The following ANGPTL1 variants were observed in gnomAD, a reference collection of about 807,000 sequenced individuals.
ANGPTL1 encodes the protein angiopoietin like 1.
ANGPTL1 carries 36 observed loss-of-function variants against 46.7 expected under a neutral mutation model. That is an observed-to-expected ratio of 0.77 (90% CI 0.59 to 1.02). The LOEUF (loss-of-function observed/expected upper bound fraction) is 1.02. Ranked by LOEUF, ANGPTL1 falls within the 50% of genes least tolerant of loss-of-function variation. The pLI, the probability that ANGPTL1 is intolerant of heterozygous loss-of-function variation, is 0.00. For missense variants in ANGPTL1, 571 were observed against 594.7 expected, an observed-to-expected ratio of 0.96 and a Z score of 0.41; for synonymous variants, 221 against 204.3, an observed-to-expected ratio of 1.08 and a Z score of -0.69.
At chr1:178,852,319 A>G (rs945519751) in intron 5 of ANGPTL1, among the ~76,000 whole-genome samples, 1 of 152,132 alleles carries the variant, frequency 6.6e-6, no homozygotes, top group Non-Finnish European at 1.5e-5. Context: ...GTAAGCTCCA[A>G]AGGGCGGGAA....
At chr1:178,864,617 A>T (rs1009395332) in intron 3 of ANGPTL1, among the ~76,000 whole-genome samples, 1 of 152,176 alleles carries the variant, frequency 6.6e-6, no homozygotes, top group African/African-American at 2.4e-5. Context: ...CGACCTAGCT[A>T]GAAGCTGATA....
intron 3 of ANGPTL1, among the ~76,000 whole-genome samples, chr1:178,863,206 AAAAAGGG>A (rs1658153315): frequency 3.3e-5 from 5 of 152,192 alleles, no homozygotes; most frequent in Admixed American, 2.6e-4. Flanking sequence ...ACAAGAGACC[AAAAAGGG>A]GACATGAGTA....
intron 2 of ANGPTL1, among the ~76,000 whole-genome samples, chr1:178,866,046 T>C (rs185677985): frequency 6.6e-4 from 100 of 152,312 alleles, no homozygotes; most frequent in Admixed American, 1.2e-3. Context: ...TGTAATCCTT[T>C]TTGTTCCCCA....
chr1:178,853,738 A>G lies in ANGPTL1; in HGVS notation c.873T>C (p.Ser291=). 6.2e-7 allele frequency: 1 copy of G among 1,605,636 alleles called. No homozygotes were observed. Among genetic ancestry groups the G allele is most frequent in the East Asian group, 2.3e-5 (1 of 44,232 alleles). The change falls in exon 4 of 6, where the codon AGT becomes AGC. Residue 291 remains serine (S), a synonymous_variant. Coordinates refer to ENST00000234816, the MANE Select transcript of ANGPTL1 (RefSeq NM_004673.4). ...TTTCAGGTTTAATCATATAAATCCC[A>G]CTGACCGAATGCCCAGCTTCTTTTG... ...QQAKEAGHSV[S]GIYMIKPENS...
At position 178,852,781 on chromosome 1, in the gene ANGPTL1, A is replaced by T. The variant is rs1657263182; in HGVS notation, c.1190T>A (p.Leu397Gln). ...ATTTCCCTGGTAAGTTCCCAGGCGCAGTCTATAGAATTCACTTTCAGGTTC... is the reference window on the plus strand; with the variant it reads ...ATTTCCCTGGTAAGTTCCCAGGCGCTGTCTATAGAATTCACTTTCAGGTTC... ...RLEPESEFYR[L>Q]RLGTYQGNAG... Residue 397 changes from leucine (L) to glutamine (Q), a missense_variant, in exon 5 of 6, where the codon CTG (leucine) becomes CAG (glutamine). Transcript: ENST00000234816. 1.2e-6 allele frequency: 2 copies of T among 1,613,864 alleles called. No homozygotes were observed. The highest frequency in any genetic ancestry group is 1.7e-6 in the Non-Finnish European group (2 of 1,179,902).
At chr1:178,856,215 A>ATATATATATATATATC (rs1657551235) in intron 3 of ANGPTL1, among the ~76,000 whole-genome samples, 5 of 71,176 alleles carry the variant, frequency 7.0e-5, no homozygotes, top group African/African-American at 2.1e-4. Context: ...ATATATATAT[A>ATATATATATATATATC]TATATATATA....
At chr1:178,856,354 A>G (rs1657569306) in intron 3 of ANGPTL1, among the ~76,000 whole-genome samples, 1 of 142,270 alleles carries the variant, frequency 7.0e-6, no homozygotes, top group Admixed American at 7.0e-5. Context: ...CAGCCTCCCA[A>G]GTAGCTAGGA....
chr1:178,865,517 T>C lies in ANGPTL1; in HGVS notation c.260A>G (p.Asn87Ser). 6.2e-7 allele frequency: 1 copy of C among 1,614,016 alleles called. No individual in the cohort carries two copies. The highest frequency in any genetic ancestry group is 2.2e-5 in the East Asian group (1 of 44,864). ...CTGCCTGGAGAGCACATCCTTCAGG[T>C]TTTCAAGGTCCATCCTGGTGATCAT... ...KDMITRMDLE[N>S]LKDVLSRQKR... The change falls in exon 3 of 6, where the codon AAC becomes AGC. Residue 87 changes from asparagine to serine, a missense_variant. By Grantham distance (46) the Asn-to-Ser change is conservative (BLOSUM62 1). Coordinates refer to ENST00000234816, the MANE Select transcript of ANGPTL1 (RefSeq NM_004673.4).
In ANGPTL1 at chr1:178,865,048, T is replaced by C. The variant is rs147696402; in HGVS notation, c.729A>G (p.Pro243=). ...LLGGNEIQRD[P]GYPRDLMPPP... Reference sequence around the variant, plus strand: ...GTGGCATTAAATCTCTGGGATAACCTGGATCCCTCTGAATCTCGTTACCTC... The same window carrying C: ...GTGGCATTAAATCTCTGGGATAACCCGGATCCCTCTGAATCTCGTTACCTC... The change falls in exon 3 of 6, where the codon CCA becomes CCG. Residue 243 remains proline, a synonymous_variant. Coordinates refer to ENST00000234816, the MANE Select transcript of ANGPTL1 (RefSeq NM_004673.4). 127 of 1,508,668 alleles carry C rather than the reference T, an allele frequency of 8.4e-5. No homozygotes were observed. The African/African-American group carries it at 1.6e-3, about 20-fold the overall frequency. 93.5% of individuals were successfully genotyped at this position (1,508,668 alleles called of 1,614,324 possible).
In ANGPTL1 at chr1:178,853,652, A is replaced by G. The variant is rs200906192; in HGVS notation, c.959T>C (p.Val320Ala). 3.2e-5 allele frequency: 51 copies of G among 1,611,642 alleles called. No individual in the cohort carries two copies. The highest frequency in any genetic ancestry group is 4.1e-5 in the Non-Finnish European group (48 of 1,179,054). Reference sequence around the variant, plus strand: ...AGAGCCGTCTGTTCTTTTCTGAATAACAGTCCAACCCCCAGGGTCCAAACT... The same window carrying G: ...AGAGCCGTCTGTTCTTTTCTGAATAGCAGTCCAACCCCCAGGGTCCAAACT... ...ENSLDPGGWT[V>A]IQKRTDGSVN... The change falls in exon 4 of 6, where the codon GTT becomes GCT. Residue 320 changes from valine to alanine, a missense_variant. Val to Ala is a moderately conservative substitution (Grantham distance 64). Coordinates refer to ENST00000234816, the MANE Select transcript of ANGPTL1 (RefSeq NM_004673.4).
intron 3 of ANGPTL1, among the ~76,000 whole-genome samples, chr1:178,864,417 GA>G (rs1658244509): frequency 6.6e-6 from 1 of 152,100 alleles, no homozygotes; most frequent in African/African-American, 2.4e-5. Flanking sequence ...TTCAAGATAA[GA>G]AAGAACAAAA....
chr1:178,868,624 G>T (rs1658562464), intron 2 of ANGPTL1, among the ~76,000 whole-genome samples: 1 of 151,908 alleles, frequency 6.6e-6, no homozygotes, highest in South Asian at 2.1e-4. Flanking sequence ...TTGCATCAGT[G>T]TTGTCATTGA....
chr1:178,861,449 G>GT (rs1444826393), intron 3 of ANGPTL1, among the ~76,000 whole-genome samples: 2 of 150,598 alleles, frequency 1.3e-5, no homozygotes, highest in Non-Finnish European at 3.0e-5. Context: ...AGCATTCGTG[G>GT]GTTTTTTTTT....
chr1:178,850,284 G>GA lies in ANGPTL1; in HGVS notation c.*844dup, dbSNP rs904973605. ...TTGTAGTAGTAAGATCAGTAAATTAGAAAAAAAGTAATAATAAATTAGAAC... is the reference window on the plus strand; with the variant it reads ...TTGTAGTAGTAAGATCAGTAAATTAGAAAAAAAAGTAATAATAAATTAGAAC... On this transcript the variant is annotated 3_prime_UTR_variant, in exon 6 of 6. Transcript: ENST00000234816. 6.6e-6 allele frequency: 1 copy of GA among 152,194 alleles called. No homozygotes were observed. The allele number at this position is 152,194 out of a possible 1,614,324, so 9.4% of individuals were successfully genotyped here. A position where few individuals can be genotyped will look rare whatever the true frequency, so the allele number is the denominator to read the frequency against.
At chr1:178,868,604 T>C (rs1468939380) in intron 2 of ANGPTL1, among the ~76,000 whole-genome samples, 1 of 151,994 alleles carries the variant, frequency 6.6e-6, no homozygotes, top group Non-Finnish European at 1.5e-5. Flanking sequence ...CCAAGACTGC[T>C]GTTAGGACTT....
intron 2 of ANGPTL1, among the ~76,000 whole-genome samples, chr1:178,868,824 A>AT (rs914386868): frequency 1.5e-4 from 22 of 151,472 alleles, no homozygotes; most frequent in East Asian, 7.7e-4. Flanking sequence ...AATAAATATA[A>AT]TTTTTTTTTA....
At chr1:178,861,497 G>T (rs1658010771) in intron 3 of ANGPTL1, among the ~76,000 whole-genome samples, 1 of 150,826 alleles carries the variant, frequency 6.6e-6, no homozygotes. Context: ...ACATAGAATT[G>T]GTATGTTTCA....
intron 2 of ANGPTL1, among the ~76,000 whole-genome samples, chr1:178,868,017 G>A (rs1402244011): frequency 1.3e-5 from 2 of 151,914 alleles, no homozygotes; most frequent in African/African-American, 4.8e-5. Flanking sequence ...TAACAAGAGA[G>A]GGAATGAAAA....
At chr1:178,864,267 C>T (rs1658229110) in intron 3 of ANGPTL1, among the ~76,000 whole-genome samples, 1 of 151,954 alleles carries the variant, frequency 6.6e-6, no homozygotes, top group South Asian at 2.1e-4. Context: ...CATGCATGAT[C>T]AATGCAATAG....
Sources: gnomAD v4.1 joint callset for allele counts (sites outside exome capture counted in the v4.1 genomes callset) on GRCh38, gnomAD v4.1.1 for gene constraint, MANE v1.5 for transcripts, NCBI Gene and HGNC (gene_info 2026-07-23, HGNC 2026-07-21) for gene names.